The following OR52K2 variants were observed in gnomAD, a reference collection of about 807,000 sequenced individuals.
OR52K2 encodes olfactory receptor 52K2.
A neutral mutation model predicts 11.4 loss-of-function variants in OR52K2; 10 were observed. The observed-to-expected ratio is 0.88, with a 90% CI of 0.54 to 1.49. The LOEUF (loss-of-function observed/expected upper bound fraction) is 1.49. Ranked by LOEUF, OR52K2 falls within the 40% of genes most tolerant of loss-of-function variation. OR52K2 has a pLI of 0.00. For missense variants in OR52K2, 465 were observed against 393.3 expected (o/e 1.18, Z -1.54); for synonymous variants, 199 against 151.9 (o/e 1.31, Z -2.28).
chr11:4,449,488 T>C lies in OR52K2; in HGVS notation c.149T>C (p.Ile50Thr), dbSNP rs772626800. ...ALLGNCTLLL[I>T]IQADAALHEP... ...CTTGGAAACTGCACTCTCCTTCTCA[T>C]CATCCAGGCTGATGCAGCCCTCCAT... Residue 50 changes from isoleucine to threonine, a missense_variant, in exon 1 of 1, where the codon ATC (isoleucine) becomes ACC (threonine). Physicochemically the swap from Ile to Thr is moderately conservative, Grantham distance 89. Coordinates refer to ENST00000325719, the MANE Select transcript of OR52K2 (RefSeq NM_001005172.2). 6.2e-7 allele frequency: 1 copy of C among 1,611,884 alleles called. No homozygotes were observed. The highest frequency in any genetic ancestry group is 8.5e-7 in the Non-Finnish European group (1 of 1,178,726).
In OR52K2 at chr11:4,449,447, A is replaced by G. The variant is rs1334386225; in HGVS notation, c.108A>G (p.Ala36=). 6.3e-7 allele frequency: 1 copy of G among 1,596,280 alleles called. No individual in the cohort carries two copies. Among genetic ancestry groups the G allele is most frequent in the Admixed American group, 1.7e-5 (1 of 58,930 alleles). The part of the protein sequence containing the change: ...HIWISIPFCL[A]YTLALLGNCT... ...GGATCTCCATCCCTTTCTGCTTAGC[A>G]TATACACTGGCCCTGCTTGGAAACT... Residue 36 remains alanine, a synonymous_variant, in exon 1 of 1, where the codon GCA becomes GCG. Transcript: ENST00000325719.
Position 4,449,587 on chromosome 11 carries a change from T to G in OR52K2, c.248T>G (p.Met83Arg), listed in dbSNP as rs1444852503. 1 of 1,614,184 alleles carries G rather than the reference T, an allele frequency of 6.2e-7. No homozygotes were observed. Among genetic ancestry groups the G allele is most frequent in the Admixed American group, 1.7e-5 (1 of 60,020 alleles). Residue 83 changes from methionine (M) to arginine (R), a missense_variant, in exon 1 of 1, where the codon ATG becomes AGG. Met to Arg is a moderately conservative substitution (Grantham distance 91). Coordinates refer to ENST00000325719, the MANE Select transcript of OR52K2 (RefSeq NM_001005172.2). ...LVLSSSALPKMLAIFWFRDRE... is the reference protein window; with the variant it reads ...LVLSSSALPKRLAIFWFRDRE... ...CTTTCCTCCTCAGCACTGCCCAAAA[T>G]GCTTGCCATATTCTGGTTCAGGGAT...
In OR52K2 at chr11:4,449,591, T is replaced by A. The variant is rs1014870444; in HGVS notation, c.252T>A (p.Leu84=). 4.3e-6 allele frequency: 7 copies of A among 1,614,090 alleles called. No individual in the cohort carries two copies. Among genetic ancestry groups the A allele is most frequent in the Admixed American group, 3.3e-5 (2 of 60,000 alleles). Residue 84 remains leucine, a synonymous_variant, in exon 1 of 1, where the codon CTT becomes CTA. Coordinates refer to ENST00000325719, the MANE Select transcript of OR52K2 (RefSeq NM_001005172.2). The stretch of plus-strand genomic sequence containing the variant: ...CCTCCTCAGCACTGCCCAAAATGCT[T>A]GCCATATTCTGGTTCAGGGATCGGG... The part of the protein sequence containing the change: ...VLSSSALPKM[L]AIFWFRDREI...
rs369849936 is a variant in OR52K2 at position 4,449,621 on chromosome 11, A to C, written c.282A>C (p.Ile94=). The C allele has an allele frequency of 1.1e-4, 174 of 1,614,060 alleles. 1 individual carries two copies. Among genetic ancestry groups the C allele is most frequent in the African/African-American group, 7.2e-4 (54 of 74,992 alleles). ...LAIFWFRDRE[I]NFFACLAQMF... The stretch of plus-strand genomic sequence containing the variant: ...TATTCTGGTTCAGGGATCGGGAGAT[A>C]AACTTCTTTGCCTGTCTGGCCCAGA... Residue 94 remains isoleucine (I), a synonymous_variant, in exon 1 of 1, where the codon ATA becomes ATC. Coordinates refer to ENST00000325719, the MANE Select transcript of OR52K2 (RefSeq NM_001005172.2).
Position 4,450,070 on chromosome 11 carries a change from T to A in OR52K2, c.731T>A (p.Val244Asp). 1.2e-6 allele frequency: 2 copies of A among 1,614,150 alleles called. No homozygotes were observed. Among genetic ancestry groups the A allele is most frequent in the Non-Finnish European group, 1.7e-6 (2 of 1,180,024 alleles). Residue 244 changes from valine to aspartate, a missense_variant, in exon 1 of 1, where the codon GTC becomes GAC. Val to Asp is a radical substitution (Grantham distance 152). Transcript: ENST00000325719. ...CGCTACAAGGCATTTGGGACATGTG[T>A]CTCTCATATAGGTGCCATCTTAGCC... ...EARYKAFGTC[V>D]SHIGAILAFY... is the part of the protein sequence containing the mutation.
In OR52K2 at chr11:4,449,326, A is replaced by T; in HGVS notation, c.-14A>T. On this transcript the variant is annotated 5_prime_UTR_variant, in exon 1 of 1. Transcript: ENST00000325719. ...TGTGGAAGCAGATAAGGAGGAAGAG[A>T]ATTCCCAGGAGCCATGTCAGCCTCC... The T allele has an allele frequency of 6.7e-7, 1 of 1,495,418 alleles. No homozygotes were observed. The highest frequency in any genetic ancestry group is 8.9e-7 in the Non-Finnish European group (1 of 1,118,132). The allele number at this position is 1,495,418 out of a possible 1,614,324, so 92.6% of individuals were successfully genotyped here. A position where few individuals can be genotyped will look rare whatever the true frequency, so the allele number is the denominator to read the frequency against.
At position 4,449,719 on chromosome 11, in the gene OR52K2, C is replaced by T. The variant is rs201979580; in HGVS notation, c.380C>T (p.Ala127Val). 1.3e-4 allele frequency: 209 copies of T among 1,614,062 alleles called. No individual in the cohort carries two copies. The highest frequency in any genetic ancestry group is 3.3e-5 in the Admixed American group (2 of 60,006). ...LLAMAFDRYV[A>V]ICKPLHYTKV... ...GCCATGGCCTTTGACCGCTATGTGGCTATCTGCAAGCCACTGCACTACACC... is the reference window on the plus strand; with the variant it reads ...GCCATGGCCTTTGACCGCTATGTGGTTATCTGCAAGCCACTGCACTACACC... Residue 127 changes from alanine (A) to valine (V), a missense_variant, in exon 1 of 1, where the codon GCT becomes GTT. By Grantham distance (64) the Ala-to-Val change is moderately conservative (BLOSUM62 0). Transcript: ENST00000325719.
In OR52K2 at chr11:4,449,601, T is replaced by C; in HGVS notation, c.262T>C (p.Trp88Arg). Residue 88 changes from tryptophan (W) to arginine (R), a missense_variant, in exon 1 of 1, where the codon TGG (tryptophan) becomes CGG (arginine). By Grantham distance (101) the Trp-to-Arg change is moderately radical. Transcript: ENST00000325719. ...ACTGCCCAAAATGCTTGCCATATTC[T>C]GGTTCAGGGATCGGGAGATAAACTT... ...SALPKMLAIF[W>R]FRDREINFFA... The C allele has an allele frequency of 6.2e-7, 1 of 1,614,226 alleles. No individual in the cohort carries two copies.
chr11:4,449,804 G>A lies in OR52K2; in HGVS notation c.465G>A (p.Val155=), dbSNP rs892119896. 1 of 1,613,948 alleles carries A rather than the reference G, an allele frequency of 6.2e-7. No individual in the cohort carries two copies. Among genetic ancestry groups the A allele is most frequent in the African/African-American group, 1.3e-5 (1 of 74,886 alleles). ...KIGMAAVARA[V]TLMTPLPFLL... is the part of the protein sequence containing the mutation. The stretch of plus-strand genomic sequence containing the variant: ...GCATGGCTGCTGTGGCCCGGGCTGT[G>A]ACACTAATGACTCCACTCCCCTTCC... The change falls in exon 1 of 1, where the codon GTG becomes GTA. Residue 155 remains valine (V), a synonymous_variant. Transcript: ENST00000325719.
At position 4,450,277 on chromosome 11, in the gene OR52K2, A is replaced by G. The variant is rs750101646; in HGVS notation, c.938A>G (p.Asp313Gly). Residue 313 changes from aspartate (D) to glycine (G), a missense_variant, in exon 1 of 1, where the codon GAT (aspartate) becomes GGT (glycine). Physicochemically the swap from Asp to Gly is moderately conservative, Grantham distance 94. Transcript: ENST00000325719. ...ATCTTGGGAGTATTCCCAAGAAAGG[A>G]TATGTAGAGGGTGAGGTGGAGAAAG... ...ESILGVFPRK[D>G]M The G allele has an allele frequency of 1.9e-6, 3 of 1,607,698 alleles. No homozygotes were observed. The highest frequency in any genetic ancestry group is 1.1e-5 in the South Asian group (1 of 90,446).
rs770582037 is a variant in OR52K2, at chr11:4,450,116, C to T, written c.777C>T (p.Ile259=). The T allele has an allele frequency of 6.8e-6, 11 of 1,614,014 alleles. No individual in the cohort carries two copies. The highest frequency in any genetic ancestry group is 9.3e-6 in the Non-Finnish European group (11 of 1,180,032). Residue 259 remains isoleucine, a synonymous_variant, in exon 1 of 1, where the codon ATC becomes ATT. Transcript: ENST00000325719. ...AILAFYTTVV[I]SSVMHRVARH... ...TAGCCTTCTACACAACTGTGGTCAT[C>T]TCTTCAGTCATGCACCGTGTAGCCC...
In OR52K2 at chr11:4,450,005, T is replaced by C. The variant is rs750486203; in HGVS notation, c.666T>C (p.Phe222=). ...DLLLVILSYI[F]ILQAVLLLAS... ...TCCTTGTTATCCTGTCTTATATCTT[T>C]ATTCTTCAGGCAGTTCTACTGCTTG... Residue 222 remains phenylalanine (F), a synonymous_variant, in exon 1 of 1, where the codon TTT becomes TTC. Coordinates refer to ENST00000325719, the MANE Select transcript of OR52K2 (RefSeq NM_001005172.2). 2 of 1,614,200 alleles carry C rather than the reference T, an allele frequency of 1.2e-6. No homozygotes were observed.
chr11:4,450,114 ATCTCT>A lies in OR52K2; in HGVS notation c.778_782del (p.Ser261HisfsTer41). ...CTTAGCCTTCTACACAACTGTGGTCATCTCTTCAGTCATGCACCGTGTAGCCCGCC... is the reference window on the plus strand; with the variant it reads ...CTTAGCCTTCTACACAACTGTGGTCATCAGTCATGCACCGTGTAGCCCGCC... On this transcript the variant is annotated frameshift_variant, in exon 1 of 1. Transcript: ENST00000325719. LOFTEE classifies it high-confidence loss of function. 3 of 1,614,080 alleles carry A rather than the reference ATCTCT, an allele frequency of 1.9e-6. No individual in the cohort carries two copies. Among genetic ancestry groups the A allele is most frequent in the Non-Finnish European group, 2.5e-6 (3 of 1,180,016 alleles).
chr11:4,449,721 A>G lies in OR52K2; in HGVS notation c.382A>G (p.Ile128Val), dbSNP rs960412925. 1 of 1,613,974 alleles carries G rather than the reference A, an allele frequency of 6.2e-7. No individual in the cohort carries two copies. The highest frequency in any genetic ancestry group is 8.5e-7 in the Non-Finnish European group (1 of 1,180,024). ...LAMAFDRYVA[I>V]CKPLHYTKVL... ...CATGGCCTTTGACCGCTATGTGGCT[A>G]TCTGCAAGCCACTGCACTACACCAA... Residue 128 changes from isoleucine (I) to valine (V), a missense_variant, in exon 1 of 1, where the codon ATC (isoleucine) becomes GTC (valine). By Grantham distance (29) the Ile-to-Val change is conservative (BLOSUM62 3). Coordinates refer to ENST00000325719, the MANE Select transcript of OR52K2 (RefSeq NM_001005172.2).
In OR52K2 at chr11:4,449,868, G is replaced by T. The variant is rs750840213; in HGVS notation, c.529G>T (p.Ala177Ser). Residue 177 changes from alanine (A) to serine (S), a missense_variant, in exon 1 of 1, where the codon GCT becomes TCT. Coordinates refer to ENST00000325719, the MANE Select transcript of OR52K2 (RefSeq NM_001005172.2). ...CFHYCRGPVI[A>S]HCYCEHMAVV... ...CCACTACTGCCGAGGCCCAGTGATC[G>T]CTCACTGCTACTGTGAACACATGGC... The T allele has an allele frequency of 2.5e-6, 4 of 1,614,120 alleles. No homozygotes were observed. In the South Asian group the frequency reaches 4.4e-5, roughly 18 times the overall value.
Position 4,450,256 on chromosome 11 carries a change from T to C in OR52K2, c.917T>C (p.Leu306Ser). The C allele has an allele frequency of 1.2e-6, 2 of 1,613,500 alleles. No homozygotes were observed. The highest frequency in any genetic ancestry group is 1.7e-6 in the Non-Finnish European group (2 of 1,179,570). Reference sequence around the variant, plus strand: ...ACCAAGCAAATCCGTGAGAGCATCTTGGGAGTATTCCCAAGAAAGGATATG... The same window carrying C: ...ACCAAGCAAATCCGTGAGAGCATCTCGGGAGTATTCCCAAGAAAGGATATG... ...VKTKQIRESILGVFPRKDM is the reference protein window; with the variant it reads ...VKTKQIRESISGVFPRKDM Residue 306 changes from leucine to serine, a missense_variant, in exon 1 of 1, where the codon TTG becomes TCG. By Grantham distance (145) the Leu-to-Ser change is moderately radical. Transcript: ENST00000325719.
chr11:4,449,853 C>G lies in OR52K2; in HGVS notation c.514C>G (p.Arg172Gly), dbSNP rs142144083. The change falls in exon 1 of 1, where the codon CGA (arginine) becomes GGA (glycine). Residue 172 changes from arginine (R) to glycine (G), a missense_variant. Physicochemically the swap from Arg to Gly is moderately radical, Grantham distance 125. Coordinates refer to ENST00000325719, the MANE Select transcript of OR52K2 (RefSeq NM_001005172.2). ...CCTGCTGAGATGTTTCCACTACTGC[C>G]GAGGCCCAGTGATCGCTCACTGCTA... ...PFLLRCFHYC[R>G]GPVIAHCYCE... 16 of 1,613,990 alleles carry G rather than the reference C, an allele frequency of 9.9e-6. No individual in the cohort carries two copies. Among genetic ancestry groups the G allele is most frequent in the Middle Eastern group, 1.6e-4 (1 of 6,084 alleles).
chr11:4,450,277 AT>A lies in OR52K2; in HGVS notation c.939del (p.Asp313GlufsTer5). On this transcript the variant is annotated frameshift_variant, in exon 1 of 1. Transcript: ENST00000325719. LOFTEE classifies it high-confidence loss of function. ...ATCTTGGGAGTATTCCCAAGAAAGG[AT>A]ATGTAGAGGGTGAGGTGGAGAAAGA... ...ESILGVFPRK[D>X]M 6.2e-7 allele frequency: 1 copy of A among 1,607,698 alleles called. No homozygotes were observed. The highest frequency in any genetic ancestry group is 1.1e-5 in the South Asian group (1 of 90,446).
rs7934336 is a variant in OR52K2 at position 4,450,243 on chromosome 11, C to A, written c.904C>A (p.Arg302Ser). The change falls in exon 1 of 1, where the codon CGT (arginine) becomes AGT (serine). Residue 302 changes from arginine to serine, a missense_variant. By Grantham distance (110) the Arg-to-Ser change is moderately radical. Coordinates refer to ENST00000325719, the MANE Select transcript of OR52K2 (RefSeq NM_001005172.2). ...CTATGGTGTCAAGACCAAGCAAATCCGTGAGAGCATCTTGGGAGTATTCCC... is the reference window on the plus strand; with the variant it reads ...CTATGGTGTCAAGACCAAGCAAATCAGTGAGAGCATCTTGGGAGTATTCCC... ...IIYGVKTKQI[R>S]ESILGVFPRK... The A allele has an allele frequency of 6.2e-7, 1 of 1,613,658 alleles. No homozygotes were observed. Among genetic ancestry groups the A allele is most frequent in the Non-Finnish European group, 8.5e-7 (1 of 1,179,840 alleles).
Sources: gnomAD v4.1 joint callset for allele counts on GRCh38, gnomAD v4.1.1 for gene constraint, MANE v1.5 for transcripts, NCBI Gene and HGNC (gene_info 2026-07-23, HGNC 2026-07-21) for gene names.